Variants in PLEKHA7 observed in about 807,000 individuals in gnomAD.
The protein encoded by PLEKHA7 is pleckstrin homology domain-containing family A member 7.
Under a neutral mutation model 170.0 loss-of-function variants are expected in PLEKHA7, and 104 were observed. The ratio of observed to expected loss-of-function variants is 0.61; its 90% CI spans 0.52 to 0.72. The LOEUF (loss-of-function observed/expected upper bound fraction) is 0.72. Among genes scored for constraint, PLEKHA7 ranks in the 30% least tolerant of loss-of-function variants. The pLI, the probability that PLEKHA7 is intolerant of heterozygous loss-of-function variation, is 0.00. For missense variants in PLEKHA7, 1,615 were observed against 1,671.7 expected (o/e 0.97, Z 0.59); for synonymous variants, 648 against 660.8 (o/e 0.98, Z 0.30).
At chr11:16,781,144 T>A in intron 26 of PLEKHA7, 1 of 399,344 alleles carries the variant, frequency 2.5e-6, no homozygotes, top group Non-Finnish European at 3.4e-6. Flanking sequence ...TGGGGTGGCA[T>A]GGGCCCTGCT....
intron 23 of PLEKHA7, chr11:16,787,330 T>A (rs573583133): frequency 1.4e-6 from 1 of 704,572 alleles, no homozygotes; most frequent in African/African-American, 1.9e-5. Flanking sequence ...CTGATTGTCT[T>A]TGATGCCTCA....
intron 3 of PLEKHA7, among the ~76,000 whole-genome samples, chr11:16,885,505 T>C (rs1004830526): frequency 6.9e-6 from 1 of 145,692 alleles, no homozygotes; most frequent in Non-Finnish European, 1.5e-5. Context: ...CTAAAAAAAA[T>C]ATATATATAT....
intron 3 of PLEKHA7, among the ~76,000 whole-genome samples, chr11:17,001,838 A>G (rs1038755008): frequency 6.6e-6 from 1 of 152,062 alleles, no homozygotes; most frequent in African/African-American, 2.4e-5. Flanking sequence ...CCAGGAAGAG[A>G]CTGCACACTA....
Position 16,854,888 on chromosome 11 carries a change from C to T in PLEKHA7, c.522+1G>A. 1 of 1,613,492 alleles carries T rather than the reference C, an allele frequency of 6.2e-7. No individual in the cohort carries two copies. On this transcript the variant is annotated splice_donor_variant, in intron 6 of 26. Transcript: ENST00000531066. LOFTEE classifies it high-confidence loss of function. ...GGATTCTCACTCCTCGGCTTCCTCA[C>T]CTGCTTGTGCAGCCAGCCCCTCACC...
intron 3 of PLEKHA7, among the ~76,000 whole-genome samples, chr11:16,938,497 CT>C (rs533152814): frequency 2.6e-5 from 4 of 151,366 alleles, no homozygotes; most frequent in African/African-American, 9.7e-5. Flanking sequence ...GCCCCCCTCA[CT>C]TTTTTTTTCA....
chr11:16,845,012 T>G (rs1852275831), intron 8 of PLEKHA7, among the ~76,000 whole-genome samples: 1 of 152,220 alleles, frequency 6.6e-6, no homozygotes, highest in African/African-American at 2.4e-5. Context: ...TAACTACAGC[T>G]GTATTAAGTG....
At chr11:16,830,550 A>G (rs1465083445) in intron 9 of PLEKHA7, among the ~76,000 whole-genome samples, 1 of 152,254 alleles carries the variant, frequency 6.6e-6, no homozygotes, top group Non-Finnish European at 1.5e-5. Flanking sequence ...AGACAGTGAA[A>G]CAAATATGCC....
chr11:16,912,792 G>T (rs1322350821), intron 3 of PLEKHA7, among the ~76,000 whole-genome samples: 1 of 152,148 alleles, frequency 6.6e-6, no homozygotes, highest in East Asian at 1.9e-4. Flanking sequence ...TTCTAGCCAT[G>T]CTCAGATATT....
chr11:16,836,068 A>C (rs930613051), intron 9 of PLEKHA7, among the ~76,000 whole-genome samples: 2 of 152,196 alleles, frequency 1.3e-5, no homozygotes, highest in African/African-American at 4.8e-5. Flanking sequence ...ATGGTCGGGG[A>C]CATAAATGTA....
chr11:16,882,773 A>C (rs1170719218), intron 3 of PLEKHA7, among the ~76,000 whole-genome samples: 1 of 152,154 alleles, frequency 6.6e-6, no homozygotes, highest in African/African-American at 2.4e-5. Flanking sequence ...AATCACCCCC[A>C]CAGAATAGTA....
chr11:16,787,025 T>A, intron 23 of PLEKHA7: 1 of 985,268 alleles, frequency 1.0e-6, no homozygotes, highest in Non-Finnish European at 1.2e-6. Context: ...CATATAAAAT[T>A]GAAATGCTAA....
chr11:16,912,696 C>T (rs150707298), intron 3 of PLEKHA7, among the ~76,000 whole-genome samples: 17 of 152,262 alleles, frequency 1.1e-4, no homozygotes, highest in Non-Finnish European at 2.5e-4. Flanking sequence ...TCTCCAGGTG[C>T]TGTGATAGAG....
At chr11:16,965,004 TAAAA>T (rs11447088) in intron 3 of PLEKHA7, among the ~76,000 whole-genome samples, 11 of 148,102 alleles carry the variant, frequency 7.4e-5, no homozygotes, top group Non-Finnish European at 1.2e-4. Context: ...ATACATGATT[TAAAA>T]AAAAAAAAAA....
chr11:16,981,409 A>G (rs1863417217), intron 3 of PLEKHA7, among the ~76,000 whole-genome samples: 1 of 152,160 alleles, frequency 6.6e-6, no homozygotes, highest in Admixed American at 6.5e-5. Context: ...CTGACTTCAG[A>G]GCCAGTGTTC....
At chr11:16,828,364 C>T (rs1056917958) in intron 9 of PLEKHA7, among the ~76,000 whole-genome samples, 2 of 152,168 alleles carry the variant, frequency 1.3e-5, no homozygotes, top group African/African-American at 2.4e-5. Flanking sequence ...CAAAGAAGGA[C>T]ATGTTTGCTT....
intron 9 of PLEKHA7, among the ~76,000 whole-genome samples, chr11:16,828,767 A>C (rs1292591457): frequency 1.3e-5 from 2 of 152,150 alleles, no homozygotes; most frequent in Non-Finnish European, 2.9e-5. Flanking sequence ...TGTCCAGCTG[A>C]GGCTCCACAG....
At chr11:17,009,572 T>C (rs894943018) in intron 3 of PLEKHA7, among the ~76,000 whole-genome samples, 1 of 152,232 alleles carries the variant, frequency 6.6e-6, no homozygotes, top group Non-Finnish European at 1.5e-5. Flanking sequence ...TATACCTTGC[T>C]ACCCAGCTAA....
intron 3 of PLEKHA7, among the ~76,000 whole-genome samples, chr11:16,959,502 T>C (rs1861914416): frequency 6.6e-6 from 1 of 152,232 alleles, no homozygotes; most frequent in African/African-American, 2.4e-5. Context: ...GATTATCTTT[T>C]TTCAGGTTCA....
chr11:16,832,900 T>C (rs1851227583), intron 9 of PLEKHA7, among the ~76,000 whole-genome samples: 1 of 152,112 alleles, frequency 6.6e-6, no homozygotes, highest in South Asian at 2.1e-4. Flanking sequence ...TGAGCACTGA[T>C]CTGCAGTCTC....
Sources: allele counts gnomAD v4.1 joint callset (sites outside exome capture counted in the v4.1 genomes callset), GRCh38; gene constraint gnomAD v4.1.1; transcripts MANE v1.5; gene names NCBI Gene and HGNC (gene_info 2026-07-23, HGNC 2026-07-21).